The following AXDND1 variants were observed in gnomAD, a reference collection of about 807,000 sequenced individuals.
The protein encoded by AXDND1 is axonemal dynein light chain domain-containing protein 1.
In AXDND1, 110 loss-of-function variants were observed where a neutral mutation model predicts 137.5. The ratio of observed to expected loss-of-function variants is 0.80; its 90% CI spans 0.69 to 0.94. The LOEUF is 0.94. Among genes scored for constraint, AXDND1 ranks in the 40% least tolerant of loss-of-function variants. AXDND1 has a pLI of 0.00. For missense variants in AXDND1, 1,191 were observed against 1,169.8 expected (o/e 1.02, Z -0.26); for synonymous variants, 414 against 399.7 (o/e 1.04, Z -0.43).
intron 11 of AXDND1, among the ~76,000 whole-genome samples, chr1:179,400,618 A>G (rs1489306117): frequency 7.0e-6 from 1 of 143,040 alleles, no homozygotes; most frequent in African/African-American, 2.5e-5. Context: ...AAAAAAGAGA[A>G]GATGGCCAGG....
chr1:179,489,412 T>C lies in AXDND1; in HGVS notation c.2092-2126T>C, dbSNP rs575600647. Among the ~76,000 whole-genome samples the C allele has an allele frequency of 3.9e-5, 6 of 152,312 alleles. No individual in the cohort carries two copies. In the South Asian group the frequency reaches 8.3e-4, roughly 21 times the overall value. Reference sequence around the variant, plus strand: ...TATTTCCTAAGGATAGTCCAAGGATTGATTAATATTTTATGTAAGCAAAAA... The same window carrying C: ...TATTTCCTAAGGATAGTCCAAGGATCGATTAATATTTTATGTAAGCAAAAA... On this transcript the variant is annotated intron_variant, in intron 18 of 25. Coordinates refer to ENST00000367618, the MANE Select transcript of AXDND1 (RefSeq NM_144696.6).
chr1:179,528,245 C>A, intron 22 of AXDND1, 82 bp from the exon 23 acceptor site: 2 of 913,750 alleles, frequency 2.2e-6, no homozygotes, highest in Non-Finnish European at 1.7e-6. Context: ...AACATGGTGC[C>A]AGGAAACTTG....
chr1:179,437,845 G>A (rs1433492151), intron 15 of AXDND1, among the ~76,000 whole-genome samples: 1 of 152,070 alleles, frequency 6.6e-6, no homozygotes, highest in Non-Finnish European at 1.5e-5. Flanking sequence ...ATTTTGTTTT[G>A]CAATTCACCA....
chr1:179,467,127 A>T (rs1054135726), intron 16 of AXDND1, among the ~76,000 whole-genome samples: 8 of 152,180 alleles, frequency 5.3e-5, no homozygotes, highest in African/African-American at 1.9e-4. Context: ...TCCAAAATCC[A>T]TGAAAGATAT....
In AXDND1 at chr1:179,554,677, C is replaced by A. The variant is rs974689517; in HGVS notation, c.*158C>A. The A allele has an allele frequency of 9.1e-7, 1 of 1,102,062 alleles. No homozygotes were observed. The highest frequency in any genetic ancestry group is 1.4e-6 in the Non-Finnish European group (1 of 734,744). The allele number at this position is 1,102,062 out of a possible 1,614,324, so 68.3% of individuals were successfully genotyped here. A position where few individuals can be genotyped will look rare whatever the true frequency, so the allele number is the denominator to read the frequency against. ...GCCTGTTGTATTTAACTTCACAGTG[C>A]CTTGCAAAGAGTTGTTTAACTTGCA... On this transcript the variant is annotated 3_prime_UTR_variant, in exon 26 of 26. Coordinates refer to ENST00000367618, the MANE Select transcript of AXDND1 (RefSeq NM_144696.6).
intron 15 of AXDND1, among the ~76,000 whole-genome samples, chr1:179,444,200 C>CAT (rs1307303680): frequency 2.6e-5 from 4 of 151,982 alleles, no homozygotes; most frequent in Non-Finnish European, 5.9e-5. Flanking sequence ...ATGTGTTTTC[C>CAT]ATATATTATC....
chr1:179,462,374 C>T (rs1414596358), intron 16 of AXDND1, among the ~76,000 whole-genome samples: 1 of 152,126 alleles, frequency 6.6e-6, no homozygotes, highest in East Asian at 1.9e-4. Flanking sequence ...GTTGAGCCAG[C>T]CTTGAATCCC....
At chr1:179,415,555 C>T (rs761641960) in intron 12 of AXDND1, among the ~76,000 whole-genome samples, 14 of 152,214 alleles carry the variant, frequency 9.2e-5, no homozygotes, top group Middle Eastern at 3.4e-3. Flanking sequence ...TTAGCATGGT[C>T]GCAGAACTGT....
chr1:179,523,575 T>A (rs1670268819), intron 21 of AXDND1, among the ~76,000 whole-genome samples: 1 of 152,174 alleles, frequency 6.6e-6, no homozygotes, highest in African/African-American at 2.4e-5. Flanking sequence ...CACCACACGG[T>A]TTCTGGCTCT....
At chr1:179,370,118 A>G (rs1158969551) in intron 4 of AXDND1, 40 bp downstream of exon 4, 2 of 1,496,346 alleles carry the variant, frequency 1.3e-6, no homozygotes, top group Admixed American at 1.8e-5. Context: ...TGATAAATAG[A>G]GTTGTTTTCT....
rs888693306 is a variant in AXDND1 at position 179,378,406 on chromosome 1, A to G, written c.375-231A>G. On this transcript the variant is annotated intron_variant, in intron 4 of 25. Coordinates refer to ENST00000367618, the MANE Select transcript of AXDND1 (RefSeq NM_144696.6). ...ATATATTTTAACCTCATACTGAAGG[A>G]AAGGAAAGAGTTTGTGATATGAATG... is the stretch of plus-strand genomic sequence containing the variant. 3.2e-4 allele frequency among the ~76,000 whole-genome samples: 48 copies of G among 152,108 alleles called. 1 individual carries two copies. Among genetic ancestry groups the G allele is most frequent in the Non-Finnish European group, 2.1e-4 (14 of 67,996 alleles).
intron 25 of AXDND1, among the ~76,000 whole-genome samples, chr1:179,539,090 C>T (rs1289570689): frequency 6.6e-6 from 1 of 152,108 alleles, no homozygotes; most frequent in African/African-American, 2.4e-5. Context: ...TGTCTTTGCA[C>T]AGGAGATGGG....
intron 11 of AXDND1, among the ~76,000 whole-genome samples, chr1:179,406,610 C>T (rs949357139): frequency 6.6e-6 from 1 of 152,010 alleles, no homozygotes; most frequent in African/African-American, 2.4e-5. Flanking sequence ...ATATAATGAA[C>T]TTCTTTGTCT....
At chr1:179,531,236 A>G (rs1320773708) in intron 23 of AXDND1, among the ~76,000 whole-genome samples, 2 of 152,154 alleles carry the variant, frequency 1.3e-5, no homozygotes, top group Non-Finnish European at 2.9e-5. Context: ...AGAAGCTTGA[A>G]AAGACATCTC....
chr1:179,484,157 C>T lies in AXDND1; in HGVS notation c.2091+936C>T, dbSNP rs139601640. On this transcript the variant is annotated intron_variant, in intron 18 of 25. Transcript: ENST00000367618. ...CAGGCGAGAAGTGACCTACTCTTGC[C>T]GTAGGCATCTGGAATTCAGACAGCA... is the stretch of plus-strand genomic sequence containing the variant. Among the ~76,000 whole-genome samples the T allele has an allele frequency of 3.7e-3, 556 of 152,282 alleles. 1 individual carries two copies. The highest frequency in any genetic ancestry group is 4.5e-3 in the Non-Finnish European group (307 of 68,018).
chr1:179,378,774 A>T lies in AXDND1; in HGVS notation c.495+17A>T. 6.8e-7 allele frequency: 1 copy of T among 1,481,276 alleles called. No individual in the cohort carries two copies. The highest frequency in any genetic ancestry group is 1.8e-4 in the Middle Eastern group (1 of 5,566). 91.8% of individuals were successfully genotyped at this position (1,481,276 alleles called of 1,614,324 possible). On this transcript the variant is annotated intron_variant, in intron 5 of 25. Coordinates refer to ENST00000367618, the MANE Select transcript of AXDND1 (RefSeq NM_144696.6). ...CCCCATAAGGTAAATAAAGTATTTG[A>T]CAAATAATCTTCTCTCCCTCTGTCT... is the stretch of plus-strand genomic sequence containing the variant.
chr1:179,535,212 C>G (rs576601455), intron 25 of AXDND1, among the ~76,000 whole-genome samples: 1 of 151,860 alleles, frequency 6.6e-6, no homozygotes, highest in South Asian at 2.1e-4. Flanking sequence ...ACAAAACTGG[C>G]AAAGGTTTTT....
At chr1:179,413,657 C>T (rs748558811) in intron 12 of AXDND1, among the ~76,000 whole-genome samples, 7 of 152,128 alleles carry the variant, frequency 4.6e-5, no homozygotes, top group South Asian at 2.1e-4. Flanking sequence ...ATGGACACTT[C>T]GGTTGATTCC....
At chr1:179,517,978 A>G (rs1176965606) in intron 21 of AXDND1, among the ~76,000 whole-genome samples, 2 of 152,178 alleles carry the variant, frequency 1.3e-5, no homozygotes. Flanking sequence ...ATCCACCAGG[A>G]TGATCTTCTC....
Sources: allele counts gnomAD v4.1 joint callset (sites outside exome capture counted in the v4.1 genomes callset), GRCh38; gene constraint gnomAD v4.1.1; transcripts MANE v1.5; gene names NCBI Gene and HGNC (gene_info 2026-07-23, HGNC 2026-07-21).